COL24A1: variants seen among roughly 807,000 people sequenced by gnomAD.
The protein encoded by COL24A1 is collagen alpha-1(XXIV) chain.
A neutral mutation model predicts 253.9 loss-of-function variants in COL24A1; 224 were observed. The observed-to-expected ratio is 0.88, with a 90% CI of 0.79 to 0.99. The LOEUF (loss-of-function observed/expected upper bound fraction) is 0.99, where lower values mean the gene tolerates loss of function less well. Ranked by LOEUF, COL24A1 falls within the 50% of genes least tolerant of loss-of-function variation. The pLI is 0.00. For missense variants in COL24A1, 2,131 were observed against 2,068.5 expected (o/e 1.03, Z -0.59); for synonymous variants, 685 against 673.7 (o/e 1.02, Z -0.26).
intron 18 of COL24A1, among the ~76,000 whole-genome samples, chr1:86,020,032 A>G (rs1200226170): frequency 4.1e-5 from 6 of 145,604 alleles, no homozygotes; most frequent in African/African-American, 1.5e-4. Flanking sequence ...TACATATGAT[A>G]TGGCCTAAAC....
chr1:86,091,281 A>C (rs1703474018), intron 6 of COL24A1, among the ~76,000 whole-genome samples: 1 of 152,078 alleles, frequency 6.6e-6, no homozygotes, highest in South Asian at 2.1e-4. Context: ...CCAGTAAAAA[A>C]TTTAAAAACA....
intron 20 of COL24A1, among the ~76,000 whole-genome samples, chr1:85,979,113 A>G (rs1692986314): frequency 6.6e-6 from 1 of 152,184 alleles, no homozygotes; most frequent in Non-Finnish European, 1.5e-5. Flanking sequence ...TGAAATCAAG[A>G]TGGAAATTAA....
At chr1:85,948,632 C>G (rs570468611) in intron 24 of COL24A1, among the ~76,000 whole-genome samples, 1 of 150,530 alleles carries the variant, frequency 6.6e-6, no homozygotes, top group South Asian at 2.1e-4. Context: ...GCAATGTCAT[C>G]ATGTGTTTCT....
At chr1:86,014,809 C>T (rs575586259) in intron 19 of COL24A1, among the ~76,000 whole-genome samples, 2 of 152,244 alleles carry the variant, frequency 1.3e-5, no homozygotes, top group African/African-American at 4.8e-5. Flanking sequence ...CATCATCAAT[C>T]CCCTGCTCTG....
chr1:85,819,204 T>C (rs1673350900), intron 45 of COL24A1, among the ~76,000 whole-genome samples: 1 of 152,166 alleles, frequency 6.6e-6, no homozygotes, highest in African/African-American at 2.4e-5. Context: ...TGACCTGGGT[T>C]TAATTAAAGT....
chr1:85,925,070 C>T (rs554227452), intron 24 of COL24A1, among the ~76,000 whole-genome samples: 6 of 152,230 alleles, frequency 3.9e-5, no homozygotes, highest in African/African-American at 1.2e-4. Context: ...CTCTCATTCA[C>T]AATTGCTTCA....
intron 24 of COL24A1, among the ~76,000 whole-genome samples, chr1:85,934,238 T>G (rs753026422): frequency 7.2e-5 from 11 of 152,138 alleles, no homozygotes; most frequent in Non-Finnish European, 1.3e-4. Flanking sequence ...ATCCTACTCA[T>G]TAGAAATGCA....
chr1:86,097,093 T>TA lies in COL24A1; in HGVS notation c.1600-4774dup, dbSNP rs1306131086. Among the ~76,000 whole-genome samples the TA allele has an allele frequency of 1.3e-5, 2 of 152,172 alleles. 1 individual carries two copies. Among genetic ancestry groups the TA allele is most frequent in the African/African-American group, 4.8e-5 (2 of 41,444 alleles). On this transcript the variant is annotated intron_variant, in intron 5 of 59. Transcript: ENST00000370571. ...TTACTTCTCTTCAGAATAATTTCTA[T>TA]ATACCCAGGATAATTTCCATTACAG...
intron 47 of COL24A1, among the ~76,000 whole-genome samples, chr1:85,800,450 G>A (rs1480892018): frequency 1.3e-5 from 2 of 152,110 alleles, no homozygotes; most frequent in African/African-American, 4.8e-5. Flanking sequence ...TATTAGATCT[G>A]CATATTAGTC....
chr1:85,769,881 G>A (rs182386965), intron 53 of COL24A1, among the ~76,000 whole-genome samples: 39 of 152,238 alleles, frequency 2.6e-4, no homozygotes, highest in African/African-American at 7.9e-4. Context: ...TATTGCATTT[G>A]TAATCCATCA....
intron 7 of COL24A1, among the ~76,000 whole-genome samples, chr1:86,083,624 C>T (rs1435036112): frequency 1.3e-5 from 2 of 152,090 alleles, no homozygotes; most frequent in African/African-American, 4.8e-5. Context: ...GGCAACATCA[C>T]TGAGTGATGA....
intron 47 of COL24A1, among the ~76,000 whole-genome samples, chr1:85,815,105 C>T (rs574745869): frequency 2.6e-4 from 39 of 152,280 alleles, no homozygotes; most frequent in Non-Finnish European, 4.4e-4. Context: ...ACAAATATGA[C>T]GTATTTTCAC....
intron 23 of COL24A1, among the ~76,000 whole-genome samples, chr1:85,961,815 G>A (rs1234590155): frequency 2.0e-5 from 3 of 152,116 alleles, no homozygotes; most frequent in Admixed American, 6.6e-5. Context: ...TGCCACACAC[G>A]TTTAAACTGT....
intron 32 of COL24A1, among the ~76,000 whole-genome samples, chr1:85,883,418 A>C (rs557777538): frequency 2.5e-4 from 38 of 151,756 alleles, no homozygotes; most frequent in African/African-American, 8.5e-4. Flanking sequence ...ATGGGGTTTT[A>C]CCATGTTGTC....
chr1:86,098,955 C>A (rs1704224706), intron 5 of COL24A1, among the ~76,000 whole-genome samples: 1 of 152,072 alleles, frequency 6.6e-6, no homozygotes, highest in African/African-American at 2.4e-5. Flanking sequence ...CATTAACCAC[C>A]ATAATCTAAT....
Position 86,156,671 on chromosome 1 carries a change from A to C in COL24A1, c.-275T>G. ...CCGGGGAGGGCGGGCGAGGAGGTAA[A>C]CCTCACTGGGAGGCCTCGGGGCGCC... is the stretch of plus-strand genomic sequence containing the variant. On this transcript the variant is annotated 5_prime_UTR_variant, in exon 1 of 60. Transcript: ENST00000370571. 9.8e-6 allele frequency: 3 copies of C among 305,838 alleles called. No individual in the cohort carries two copies. The highest frequency in any genetic ancestry group is 5.2e-5 in the Admixed American group (1 of 19,292). 18.9% of individuals were successfully genotyped at this position (305,838 alleles called of 1,614,324 possible). A position where few individuals can be genotyped will look rare whatever the true frequency, so the allele number is the denominator to read the frequency against.
At chr1:85,971,466 T>C (rs1692163066) in intron 20 of COL24A1, 73 bp from the exon 21 acceptor site, 6 of 1,224,458 alleles carry the variant, frequency 4.9e-6, no homozygotes, top group Non-Finnish European at 7.1e-6. Context: ...AGCATTAATG[T>C]GGAGATGGAC....
intron 28 of COL24A1, among the ~76,000 whole-genome samples, chr1:85,901,380 T>C (rs1018862957): frequency 3.3e-5 from 5 of 152,080 alleles, no homozygotes; most frequent in African/African-American, 1.2e-4. Context: ...AGAATGACTA[T>C]TATTAAAAAA....
At chr1:85,861,975 T>C (rs1679203437) in intron 37 of COL24A1, among the ~76,000 whole-genome samples, 1 of 152,170 alleles carries the variant, frequency 6.6e-6, no homozygotes. Context: ...CTTCCCACAG[T>C]TCTTTGCTTG....
Sources: gnomAD v4.1 joint callset for allele counts (sites outside exome capture counted in the v4.1 genomes callset) on GRCh38, gnomAD v4.1.1 for gene constraint, MANE v1.5 for transcripts, NCBI Gene and HGNC (gene_info 2026-07-23, HGNC 2026-07-21) for gene names.